CYP19A1: variants seen among roughly 807,000 people sequenced by gnomAD.
The protein encoded by CYP19A1 is aromatase.
In CYP19A1, 32 loss-of-function variants were observed where a neutral mutation model predicts 44.4. The ratio of observed to expected loss-of-function variants is 0.72; its 90% CI spans 0.54 to 0.97. CYP19A1 has a LOEUF of 0.97. Ranked by LOEUF, CYP19A1 falls within the 50% of genes least tolerant of loss-of-function variation. The pLI, the probability that CYP19A1 is intolerant of heterozygous loss-of-function variation, is 0.00. For synonymous variants in CYP19A1, 212 were observed against 215.6 expected (o/e 0.98, Z 0.14); for missense variants, 598 against 637.8 (o/e 0.94, Z 0.67).
intron 1 of CYP19A1, among the ~76,000 whole-genome samples, chr15:51,244,395 T>G (rs2033954100): frequency 6.6e-6 from 1 of 152,200 alleles, no homozygotes. Flanking sequence ...GCACTGAAAA[T>G]GCACTGGAAA....
At chr15:51,250,274 C>T (rs534710169) in intron 1 of CYP19A1, among the ~76,000 whole-genome samples, 1 of 152,242 alleles carries the variant, frequency 6.6e-6, no homozygotes, top group Non-Finnish European at 1.5e-5. Context: ...AGGACCGTGG[C>T]TTTCTCACTC....
At chr15:51,236,422 T>C (rs1404166796) in intron 3 of CYP19A1, among the ~76,000 whole-genome samples, 1 of 152,222 alleles carries the variant, frequency 6.6e-6, no homozygotes, top group African/African-American at 2.4e-5. Context: ...CAGACTATAG[T>C]GCAGTGATGT....
chr15:51,336,021 C>T (rs999921774), intron 1 of CYP19A1, among the ~76,000 whole-genome samples: 2 of 152,226 alleles, frequency 1.3e-5, no homozygotes, highest in Admixed American at 6.5e-5. Context: ...CCCCTATCTT[C>T]GCCTAGTTTA....
At chr15:51,231,092 C>G (rs2032994012) in intron 3 of CYP19A1, among the ~76,000 whole-genome samples, 2 of 152,166 alleles carry the variant, frequency 1.3e-5, no homozygotes, top group South Asian at 4.1e-4. Flanking sequence ...AACCACCTAA[C>G]CAGTGATCAA....
At chr15:51,212,230 T>C (rs1261361732) in intron 9 of CYP19A1, 90 bp downstream of exon 9, 1 of 926,422 alleles carries the variant, frequency 1.1e-6, no homozygotes, top group Non-Finnish European at 1.8e-6. Context: ...AAAAATGAAG[T>C]ATTTATGGTG....
intron 1 of CYP19A1, chr15:51,316,252 G>A (rs950827993): frequency 2.6e-5 from 4 of 152,216 alleles, no homozygotes; most frequent in Non-Finnish European, 5.9e-5. Context: ...CACTTTGGGA[G>A]TTTGAGACAG....
In CYP19A1 at chr15:51,222,477, G is replaced by A; in HGVS notation, c.500C>T (p.Ser167Phe). The A allele has an allele frequency of 6.2e-7, 1 of 1,613,990 alleles. No individual in the cohort carries two copies. The highest frequency in any genetic ancestry group is 8.5e-7 in the Non-Finnish European group (1 of 1,179,900). ...LVRMVTVCAE[S>F]LKTHLDRLEE... is the part of the protein sequence containing the mutation. ...CAACCTGTCCAGATGTGTTTTGAGG[G>A]ATTCAGCACAGACTGTGACCATACG... The change falls in exon 5 of 10, where the codon TCC becomes TTC. Residue 167 changes from serine to phenylalanine, a missense_variant. By Grantham distance (155) the Ser-to-Phe change is radical. Transcript: ENST00000396402.
intron 1 of CYP19A1, 36 bp from the exon 2 acceptor site, chr15:51,242,986 C>A (rs1315873727): frequency 1.9e-6 from 2 of 1,062,774 alleles, no homozygotes; most frequent in East Asian, 4.7e-5. Context: ...ATTACAGAAT[C>A]CCCTAAAAGG....
At chr15:51,325,761 C>G (rs2036598156) in intron 1 of CYP19A1, among the ~76,000 whole-genome samples, 1 of 146,906 alleles carries the variant, frequency 6.8e-6, no homozygotes, top group South Asian at 2.1e-4. Flanking sequence ...TCGCTTGAAC[C>G]CAGGAGTCAG....
At position 51,252,370 on chromosome 15, in the gene CYP19A1, G is replaced by A. The variant is rs28757160; in HGVS notation, c.-38-9420C>T. Among the ~76,000 whole-genome samples, 653 of 152,242 alleles carry A rather than the reference G, an allele frequency of 4.3e-3. 4 individuals are homozygous for A. Among genetic ancestry groups the A allele is most frequent in the African/African-American group, 0.015 (635 of 41,538 alleles). ...GGCCCAGTTCCTTTCTCAACCTTCT[G>A]CCTCAGGTGTCCAATGTCCCAGAGG... On this transcript the variant is annotated intron_variant, in intron 1 of 9. Coordinates refer to ENST00000396402, the MANE Select transcript of CYP19A1 (RefSeq NM_000103.4).
intron 1 of CYP19A1, among the ~76,000 whole-genome samples, chr15:51,253,105 A>G (rs1303412395): frequency 6.6e-6 from 1 of 152,206 alleles, no homozygotes; most frequent in Non-Finnish European, 1.5e-5. Context: ...GGGACCCTCT[A>G]TCACTATGTC....
Position 51,291,016 on chromosome 15 carries a change from G to C in CYP19A1, c.-39+47479C>G, listed in dbSNP as rs372086026. 2.6e-5 allele frequency among the ~76,000 whole-genome samples: 4 copies of C among 152,294 alleles called. No homozygotes were observed. The South Asian group carries it at 6.2e-4, about 24-fold the overall frequency. ...AGATTGGAGGCTTTGGGATAGACAC[G>C]GGCTACCCTGGTTACCCCATCCCAT... is the stretch of plus-strand genomic sequence containing the variant. On this transcript the variant is annotated intron_variant, in intron 1 of 9. Coordinates refer to ENST00000396402, the MANE Select transcript of CYP19A1 (RefSeq NM_000103.4).
At chr15:51,298,119 G>A (rs1235567291) in intron 1 of CYP19A1, among the ~76,000 whole-genome samples, 2 of 152,166 alleles carry the variant, frequency 1.3e-5, no homozygotes, top group Non-Finnish European at 2.9e-5. Context: ...CTGAAGGGGA[G>A]TACTGCATCA....
intron 1 of CYP19A1, among the ~76,000 whole-genome samples, chr15:51,330,607 C>T (rs1252642638): frequency 1.3e-5 from 2 of 152,064 alleles, no homozygotes; most frequent in Non-Finnish European, 2.9e-5. Flanking sequence ...TCAGAGGCCT[C>T]GGCAGTGGAT....
intron 1 of CYP19A1, among the ~76,000 whole-genome samples, chr15:51,263,920 G>T (rs2034822038): frequency 6.6e-6 from 1 of 152,210 alleles, no homozygotes; most frequent in Non-Finnish European, 1.5e-5. Context: ...ATGCCCAGTT[G>T]TGTCACATTC....
At chr15:51,286,615 G>T (rs1242340494) in intron 1 of CYP19A1, among the ~76,000 whole-genome samples, 3 of 152,046 alleles carry the variant, frequency 2.0e-5, no homozygotes, top group Non-Finnish European at 2.9e-5. Context: ...AGCACAAAGG[G>T]AATCCTCCCC....
chr15:51,273,101 A>G (rs2035186918), intron 1 of CYP19A1, among the ~76,000 whole-genome samples: 1 of 152,068 alleles, frequency 6.6e-6, no homozygotes, highest in African/African-American at 2.4e-5. Context: ...CTGGGACTAC[A>G]GGTGCACGTT....
rs533666750 is a variant in CYP19A1, at chr15:51,218,558, T to C, written c.726A>G (p.Lys242=). ...TTACTTACACAGACTTCTCATACTT[T>C]TTGTATAGCCAAGAAATCTTAAAGA... ...DIFFKISWLY[K]KYEKSVKDLK... is the part of the protein sequence containing the mutation. Residue 242 remains lysine (K), a synonymous_variant, in exon 6 of 10, where the codon AAA becomes AAG. Transcript: ENST00000396402. 10 of 1,613,454 alleles carry C rather than the reference T, an allele frequency of 6.2e-6. 1 individual carries two copies. Among genetic ancestry groups the C allele is most frequent in the African/African-American group, 2.7e-5 (2 of 75,030 alleles).
intron 1 of CYP19A1, among the ~76,000 whole-genome samples, chr15:51,291,506 G>C (rs1010632490): frequency 5.3e-5 from 8 of 152,160 alleles, no homozygotes; most frequent in Non-Finnish European, 1.0e-4. Flanking sequence ...TGAGAAAAAA[G>C]GACTTCATTT....
Sources: allele counts gnomAD v4.1 joint callset (sites outside exome capture counted in the v4.1 genomes callset), GRCh38; gene constraint gnomAD v4.1.1; transcripts MANE v1.5; gene names NCBI Gene and HGNC (gene_info 2026-07-23, HGNC 2026-07-21).